Variants in MMRN1 observed in about 807,000 individuals in gnomAD.
MMRN1 encodes the protein multimerin-1.
In MMRN1, 94 loss-of-function variants were observed where a neutral mutation model predicts 100.7. The observed-to-expected ratio is 0.93, with a 90% CI of 0.79 to 1.11. MMRN1 has a LOEUF of 1.11. Ranked by LOEUF, MMRN1 falls within the 50% of genes least tolerant of loss-of-function variation. The pLI, the probability that MMRN1 is intolerant of heterozygous loss-of-function variation, is 0.00. For missense variants in MMRN1, 1,606 were observed against 1,439.1 expected, an observed-to-expected ratio of 1.12 and a Z score of -1.88; for synonymous variants, 575 against 505.0, an observed-to-expected ratio of 1.14 and a Z score of -1.86.
In MMRN1 at chr4:89,895,026, G is replaced by A; in HGVS notation, c.55G>A (p.Gly19Arg). ...LLSSLWSGGIGLNNSKHSWTI... is the reference protein window; with the variant it reads ...LLSSLWSGGIRLNNSKHSWTI... ...TTCTAGTTTATGGAGTGGGGGCATT[G>A]GGCTTAACAACAGTAAGCATTCTTG... The change falls in exon 1 of 8, where the codon GGG (glycine) becomes AGG (arginine). Residue 19 changes from glycine to arginine, a missense_variant. Transcript: ENST00000264790. 6.2e-7 allele frequency: 1 copy of A among 1,613,784 alleles called. No homozygotes were observed. The highest frequency in any genetic ancestry group is 2.2e-5 in the East Asian group (1 of 44,854).
At chr4:89,913,895 G>T (rs1355077759) in intron 3 of MMRN1, among the ~76,000 whole-genome samples, 2 of 151,340 alleles carry the variant, frequency 1.3e-5, no homozygotes, top group Admixed American at 6.6e-5. Flanking sequence ...TGGCAGATAT[G>T]CATATTGTGT....
chr4:89,894,633 A>G (rs1251734281), upstream of MMRN1: 1 of 183,320 alleles, frequency 5.5e-6, no homozygotes, highest in Non-Finnish European at 1.1e-5. Flanking sequence ...GAAACGTGAA[A>G]CCAGGGTGTG....
chr4:89,951,858 C>T, intron 7 of MMRN1, 107 bp downstream of exon 7: 1 of 1,247,652 alleles, frequency 8.0e-7, no homozygotes, highest in Non-Finnish European at 1.1e-6. Flanking sequence ...TCTGGATCCA[C>T]TTGACAATTC....
upstream of MMRN1, among the ~76,000 whole-genome samples, chr4:89,891,023 G>C (rs541168529): frequency 6.6e-6 from 1 of 151,790 alleles, no homozygotes; most frequent in South Asian, 2.1e-4. Context: ...AATTTTTCTA[G>C]CATCACTACT....
At chr4:89,914,012 T>C (rs1252600988) in intron 3 of MMRN1, among the ~76,000 whole-genome samples, 1 of 151,414 alleles carries the variant, frequency 6.6e-6, no homozygotes, top group East Asian at 1.9e-4. Context: ...AGTGCAGTTG[T>C]ATTTTCAATG....
At chr4:89,910,462 T>C (rs1307372356) in intron 2 of MMRN1, among the ~76,000 whole-genome samples, 1 of 151,440 alleles carries the variant, frequency 6.6e-6, no homozygotes, top group Non-Finnish European at 1.5e-5. Flanking sequence ...TTTTATGCCT[T>C]CTGAGTGGGT....
chr4:89,945,417 A>G (rs1182237098), intron 6 of MMRN1, among the ~76,000 whole-genome samples: 1 of 152,158 alleles, frequency 6.6e-6, no homozygotes, highest in Non-Finnish European at 1.5e-5. Flanking sequence ...AGAAGGAATG[A>G]CTAACCACTT....
At chr4:89,947,319 C>A (rs1723020199) in intron 6 of MMRN1, among the ~76,000 whole-genome samples, 1 of 152,056 alleles carries the variant, frequency 6.6e-6, no homozygotes, top group Non-Finnish European at 1.5e-5. Context: ...AGATTCATGT[C>A]TCTAGGATAA....
At position 89,894,922 on chromosome 4, in the gene MMRN1, G is replaced by T; in HGVS notation, c.-50G>T. 6.4e-7 allele frequency: 1 copy of T among 1,557,904 alleles called. No homozygotes were observed. The highest frequency in any genetic ancestry group is 8.7e-7 in the Non-Finnish European group (1 of 1,154,314). On this transcript the variant is annotated 5_prime_UTR_variant, in exon 1 of 8. The change creates a new upstream start codon in the 5' untranslated region. Transcript: ENST00000264790. ...GAAGCAGCTATCAAAAAGGCCATAA[G>T]GATTTTGTCCCCAAATTTCACATGA...
At chr4:89,939,452 A>G (rs1206617201) in intron 6 of MMRN1, among the ~76,000 whole-genome samples, 2 of 152,164 alleles carry the variant, frequency 1.3e-5, no homozygotes, top group East Asian at 3.8e-4. Context: ...ATTGGTTAGT[A>G]TTCATTAACA....
At chr4:89,940,757 A>G (rs1294079590) in intron 6 of MMRN1, among the ~76,000 whole-genome samples, 1 of 152,200 alleles carries the variant, frequency 6.6e-6, no homozygotes, top group Non-Finnish European at 1.5e-5. Flanking sequence ...TTATTACTAT[A>G]TGATGCAATT....
chr4:89,903,164 C>T (rs932112811), intron 1 of MMRN1, among the ~76,000 whole-genome samples: 10 of 151,310 alleles, frequency 6.6e-5, no homozygotes, highest in African/African-American at 2.4e-4. Flanking sequence ...TATATATTTC[C>T]CTTGAATTAT....
chr4:89,924,111 C>T (rs535572054), intron 4 of MMRN1, among the ~76,000 whole-genome samples: 3 of 152,208 alleles, frequency 2.0e-5, no homozygotes, highest in African/African-American at 4.8e-5. Context: ...CTTTGATTAA[C>T]GAATACCTCA....
At chr4:89,952,452 G>A (rs750580297) in intron 7 of MMRN1, among the ~76,000 whole-genome samples, 9 of 152,156 alleles carry the variant, frequency 5.9e-5, no homozygotes, top group Non-Finnish European at 1.2e-4. Context: ...TTTTTAGTCT[G>A]TTTTTAGATC....
At chr4:89,951,380 T>G (rs949669812) in intron 6 of MMRN1, 3 of 381,950 alleles carry the variant, frequency 7.9e-6, no homozygotes, top group Non-Finnish European at 1.4e-5. Flanking sequence ...ATAAATGTAA[T>G]GGATCACAGA....
chr4:89,892,852 C>A (rs1391706810), upstream of MMRN1, among the ~76,000 whole-genome samples: 3 of 152,002 alleles, frequency 2.0e-5, no homozygotes, highest in African/African-American at 7.2e-5. Context: ...CAGGTTTGAA[C>A]AGTCTTTCAA....
At chr4:89,946,750 A>G (rs967257078) in intron 6 of MMRN1, among the ~76,000 whole-genome samples, 1 of 152,196 alleles carries the variant, frequency 6.6e-6, no homozygotes, top group Non-Finnish European at 1.5e-5. Flanking sequence ...ATGAAATATG[A>G]AACTAGGATT....
chr4:89,912,114 A>C (rs1417668592), intron 3 of MMRN1, 64 bp downstream of exon 3: 9 of 1,177,810 alleles, frequency 7.6e-6, no homozygotes, highest in Non-Finnish European at 1.2e-6. Context: ...TGAAGAAAAG[A>C]ATAGCATTTC....
At chr4:89,900,137 G>C (rs1032268546) in intron 1 of MMRN1, among the ~76,000 whole-genome samples, 3 of 152,086 alleles carry the variant, frequency 2.0e-5, no homozygotes, top group East Asian at 1.9e-4. Context: ...AACTGGTAAA[G>C]TATTTCGAAG....
Sources: gnomAD v4.1 joint callset for allele counts (sites outside exome capture counted in the v4.1 genomes callset) on GRCh38, gnomAD v4.1.1 for gene constraint, MANE v1.5 for transcripts, NCBI Gene and HGNC (gene_info 2026-07-23, HGNC 2026-07-21) for gene names.